The following PRKN variants were observed in gnomAD, a reference collection of about 807,000 sequenced individuals.
PRKN encodes the protein parkin RBR E3 ubiquitin protein ligase.
A neutral mutation model predicts 59.5 loss-of-function variants in PRKN; 56 were observed. The observed-to-expected ratio is 0.94, with a 90% CI of 0.76 to 1.18. The LOEUF (loss-of-function observed/expected upper bound fraction) is 1.18, where lower values mean the gene tolerates loss of function less well. Ranked by LOEUF, PRKN falls within the 50% of genes most tolerant of loss-of-function variation. The pLI, the probability that PRKN is intolerant of heterozygous loss-of-function variation, is 0.00. For synonymous variants in PRKN, 250 were observed against 222.1 expected, an observed-to-expected ratio of 1.13 and a Z score of -1.12; for missense variants, 657 against 596.4, an observed-to-expected ratio of 1.10 and a Z score of -1.06.
chr6:162,071,848 C>T (rs184369349), intron 4 of PRKN, among the ~76,000 whole-genome samples: 10 of 152,098 alleles, frequency 6.6e-5, no homozygotes, highest in Non-Finnish European at 1.2e-4. Context: ...CCACCTATGT[C>T]GGCCTCCCAA....
At chr6:161,878,077 T>C (rs1016370103) in intron 6 of PRKN, among the ~76,000 whole-genome samples, 2 of 152,092 alleles carry the variant, frequency 1.3e-5, no homozygotes, top group Non-Finnish European at 2.9e-5. Context: ...CAAAGAGCCA[T>C]GGATTCTCTA....
chr6:162,700,219 T>G (rs1778104381), intron 1 of PRKN, among the ~76,000 whole-genome samples: 1 of 152,200 alleles, frequency 6.6e-6, no homozygotes, highest in African/African-American at 2.4e-5. Flanking sequence ...TTTGTAAGTC[T>G]TCTTCTCCCA....
chr6:162,021,454 T>C (rs1783185929), intron 5 of PRKN, among the ~76,000 whole-genome samples: 1 of 7,364 alleles, frequency 1.4e-4, no homozygotes, highest in Admixed American at 3.1e-3. Flanking sequence ...TATATATATA[T>C]ATATATATTT....
At chr6:162,286,105 GCCA>G (rs879578216) in intron 2 of PRKN, among the ~76,000 whole-genome samples, 1 of 152,106 alleles carries the variant, frequency 6.6e-6, no homozygotes, top group Non-Finnish European at 1.5e-5. Context: ...ACTCTGCACA[GCCA>G]AAATTTTAAA....
rs942846652 is a variant in PRKN, at chr6:162,011,648, C to G, written c.619-38231G>C. Among the ~76,000 whole-genome samples, 5 of 147,344 alleles carry G rather than the reference C, an allele frequency of 3.4e-5. No homozygotes were observed. In the East Asian group the frequency reaches 5.9e-4, roughly 17 times the overall value. On this transcript the variant is annotated intron_variant, in intron 5 of 11. Coordinates refer to ENST00000366898, the MANE Select transcript of PRKN (RefSeq NM_004562.3). The stretch of plus-strand genomic sequence containing the variant: ...AAAATAACCATCTTTATTGTTACAG[C>G]AAAAACCTTGATAGCGGTGTTTGTT...
Position 161,822,257 on chromosome 6 carries a change from T to C in PRKN, c.735-36349A>G, listed in dbSNP as rs73785420. Among the ~76,000 whole-genome samples the C allele has an allele frequency of 2.0e-3, 310 of 152,188 alleles. 1 individual carries two copies. Among genetic ancestry groups the C allele is most frequent in the African/African-American group, 7.2e-3 (300 of 41,526 alleles). ...TGACTAAACACTGGGCAAGGGGACA[T>C]GAAGAAAAGGGTTTGTTATAAGACT... On this transcript the variant is annotated intron_variant, in intron 6 of 11. Coordinates refer to ENST00000366898, the MANE Select transcript of PRKN (RefSeq NM_004562.3).
At chr6:162,558,075 T>A (rs1353820660) in intron 1 of PRKN, among the ~76,000 whole-genome samples, 1 of 152,318 alleles carries the variant, frequency 6.6e-6, no homozygotes, top group African/African-American at 2.4e-5. Context: ...AGTATCTATA[T>A]CTCTCCTTTT....
chr6:162,000,426 T>C (rs1782008588), intron 5 of PRKN, among the ~76,000 whole-genome samples: 1 of 152,130 alleles, frequency 6.6e-6, no homozygotes, highest in Non-Finnish European at 1.5e-5. Flanking sequence ...CATCTTCTTA[T>C]ATGCTTACTT....
chr6:162,650,255 G>A (rs1778366064), intron 1 of PRKN, among the ~76,000 whole-genome samples: 1 of 152,122 alleles, frequency 6.6e-6, no homozygotes, highest in South Asian at 2.1e-4. Context: ...GTGACCACAG[G>A]AGCTGCAACT....
chr6:161,552,728 T>C lies in PRKN; in HGVS notation c.934-3725A>G, dbSNP rs926851691. 2.0e-5 allele frequency among the ~76,000 whole-genome samples: 3 copies of C among 151,886 alleles called. No individual in the cohort carries two copies. Among genetic ancestry groups the C allele is most frequent in the African/African-American group, 7.2e-5 (3 of 41,386 alleles). ...CCAGGTCCGCCTGAAGCCCTCCATG[T>C]ATCTATTCTCATCACAACACCTTCA... On this transcript the variant is annotated intron_variant, in intron 8 of 11. Transcript: ENST00000366898. The surrounding 1 kb of genome is among the most constrained non-coding windows in gnomAD (Gnocchi z 4.9).
At chr6:161,783,066 G>C (rs1245218995) in intron 7 of PRKN, among the ~76,000 whole-genome samples, 1 of 152,060 alleles carries the variant, frequency 6.6e-6, no homozygotes, top group Non-Finnish European at 1.5e-5. Flanking sequence ...ATCACACTTA[G>C]GTGATGGTGT....
At chr6:162,574,764 G>GTTTTTT (rs371613068) in intron 1 of PRKN, among the ~76,000 whole-genome samples, 24,649 of 84,862 alleles carry the variant, frequency 0.29, 2,665 homozygotes, top group East Asian at 0.47. Flanking sequence ...ATGATACTAA[G>GTTTTTT]TTGTTTTTTT....
At chr6:161,761,658 C>A (rs904201203) in intron 7 of PRKN, among the ~76,000 whole-genome samples, 1 of 152,106 alleles carries the variant, frequency 6.6e-6, no homozygotes, top group Non-Finnish European at 1.5e-5. Flanking sequence ...AAAGGAAAGG[C>A]CAATCATACA....
chr6:161,652,768 G>T (rs563334551), intron 7 of PRKN, among the ~76,000 whole-genome samples: 21 of 152,238 alleles, frequency 1.4e-4, no homozygotes, highest in African/African-American at 4.3e-4. Context: ...TTGCATGCTA[G>T]AATACAACCA....
chr6:161,869,626 G>C (rs1244254736), intron 6 of PRKN, among the ~76,000 whole-genome samples: 2 of 152,156 alleles, frequency 1.3e-5, no homozygotes, highest in Non-Finnish European at 2.9e-5. Flanking sequence ...TCTGTCAAGA[G>C]AATCACATTT....
chr6:161,581,348 A>C lies in PRKN; in HGVS notation c.872-11932T>G, dbSNP rs1286999164. Among the ~76,000 whole-genome samples the C allele has an allele frequency of 1.3e-5, 2 of 152,224 alleles. No homozygotes were observed. Among genetic ancestry groups the C allele is most frequent in the Non-Finnish European group, 2.9e-5 (2 of 68,046 alleles). ...GCTGTCCTTTTGGTCTAAGTTCACA[A>C]AGTGTTTGTCTCCATTGTATTTGCT... On this transcript the variant is annotated intron_variant, in intron 7 of 11. Transcript: ENST00000366898. This position sits in a 1 kb window ranked among gnomAD's most constrained non-coding sequence, Gnocchi z 4.5.
intron 1 of PRKN, among the ~76,000 whole-genome samples, chr6:162,444,613 C>T (rs6455831): frequency 0.44 from 67,131 of 151,906 alleles, 15,346 homozygotes; most frequent in African/African-American, 0.55. Flanking sequence ...TGTGACCTCC[C>T]CCAAGAAGCT....
At chr6:162,649,336 A>G (rs570965551) in intron 1 of PRKN, among the ~76,000 whole-genome samples, 1 of 152,322 alleles carries the variant, frequency 6.6e-6, no homozygotes, top group East Asian at 1.9e-4. Context: ...CATATAATTC[A>G]TCATACAATC....
intron 6 of PRKN, among the ~76,000 whole-genome samples, chr6:161,799,394 A>G (rs1790987435): frequency 6.6e-6 from 1 of 152,182 alleles, no homozygotes; most frequent in Non-Finnish European, 1.5e-5. Flanking sequence ...GCAGTAGATG[A>G]CTGGTTTTGA....
Sources: gnomAD v4.1 joint callset for allele counts (sites outside exome capture counted in the v4.1 genomes callset) on GRCh38, gnomAD v4.1.1 for gene constraint, Gnocchi (gnomAD v3.1) non-coding constraint, MANE v1.5 for transcripts, NCBI Gene and HGNC (gene_info 2026-07-23, HGNC 2026-07-21) for gene names.